Variants in EMSY observed in about 807,000 individuals in gnomAD.
EMSY encodes EMSY transcriptional repressor, BRCA2 interacting.
Under a neutral mutation model 134.6 loss-of-function variants are expected in EMSY, and 26 were observed. The ratio of observed to expected loss-of-function variants is 0.19; its 90% CI spans 0.14 to 0.27. EMSY has a LOEUF of 0.27. EMSY is among the 10% of genes least tolerant of loss of function. The pLI, the probability that EMSY is intolerant of heterozygous loss-of-function variation, is 1.00. For missense variants in EMSY, 1,305 were observed against 1,611.4 expected (o/e 0.81, Z 3.26); for synonymous variants, 579 against 577.8 (o/e 1.00, Z -0.03).
At chr11:76,488,452 A>G (rs1439828955) in intron 8 of EMSY, among the ~76,000 whole-genome samples, 1 of 152,218 alleles carries the variant, frequency 6.6e-6, no homozygotes, top group African/African-American at 2.4e-5. Context: ...GGGCATTAAA[A>G]GAAGACTGTC....
At chr11:76,531,685 G>T (rs189634952) in intron 14 of EMSY, among the ~76,000 whole-genome samples, 1 of 152,254 alleles carries the variant, frequency 6.6e-6, no homozygotes, top group African/African-American at 2.4e-5. Flanking sequence ...GAAGGTACAT[G>T]ATATAAATAT....
rs918020553 is a variant in EMSY, at chr11:76,539,580, C to G, written c.2516-19C>G. The stretch of plus-strand genomic sequence containing the variant: ...ACAGATGAAAAGACTATGATTTCTT[C>G]CCTTACTTATCCTTTCAGAACGCAC... On this transcript the variant is annotated intron_variant, in intron 16 of 20. Transcript: ENST00000334736. 5 of 1,612,948 alleles carry G rather than the reference C, an allele frequency of 3.1e-6. No individual in the cohort carries two copies. Among genetic ancestry groups the G allele is most frequent in the Non-Finnish European group, 4.2e-6 (5 of 1,179,098 alleles).
exon 18 of EMSY, chr11:76,542,323 A>G (rs1951468753): frequency 6.2e-7 from 1 of 1,614,038 alleles, no homozygotes; most frequent in Non-Finnish European, 8.5e-7. Context: ...GGTGAAGTCC[A>G]TCCCAGCATC....
rs1024962885 is a variant in EMSY, at chr11:76,453,586, C to T, written c.245+198C>T. 3 of 420,812 alleles carry T rather than the reference C, an allele frequency of 7.1e-6. No homozygotes were observed. The South Asian group carries it at 1.2e-4, about 17-fold the overall frequency. The allele number at this position is 420,812 out of a possible 1,614,324, so 26.1% of individuals were successfully genotyped here. A position where few individuals can be genotyped will look rare whatever the true frequency, so the allele number is the denominator to read the frequency against. Reference sequence around the variant, plus strand: ...TTTTTTTTGCATTTGGTTAGGCAAGCTTTAAGTACTCAGGTCAAATCCTGT... The same window carrying T: ...TTTTTTTTGCATTTGGTTAGGCAAGTTTTAAGTACTCAGGTCAAATCCTGT... On this transcript the variant is annotated intron_variant, in intron 4 of 20. Coordinates refer to ENST00000334736, the Ensembl canonical transcript of EMSY.
At chr11:76,503,107 A>C (rs982388267) in intron 9 of EMSY, among the ~76,000 whole-genome samples, 1 of 151,906 alleles carries the variant, frequency 6.6e-6, no homozygotes, top group East Asian at 1.9e-4. Context: ...TCGACATCAG[A>C]CTGGCCAACA....
intron 20 of EMSY, among the ~76,000 whole-genome samples, chr11:76,548,179 C>T (rs1011334177): frequency 6.6e-6 from 1 of 152,182 alleles, no homozygotes; most frequent in Non-Finnish European, 1.5e-5. Context: ...TATTATTATA[C>T]TCATCATTAA....
intron 7 of EMSY, among the ~76,000 whole-genome samples, chr11:76,464,484 A>T (rs1948270819): frequency 6.6e-6 from 1 of 152,256 alleles, no homozygotes; most frequent in Non-Finnish European, 1.5e-5. Context: ...GAAGGATATA[A>T]TTAAGTGAAT....
chr11:76,521,382 C>A (rs761384187), intron 11 of EMSY, among the ~76,000 whole-genome samples: 3 of 152,108 alleles, frequency 2.0e-5, no homozygotes, highest in Non-Finnish European at 4.4e-5. Context: ...TAATTGTCAT[C>A]CACTGTGCTA....
chr11:76,463,993 T>C (rs1357355090), exon 7 of EMSY: 3 of 1,614,072 alleles, frequency 1.9e-6, no homozygotes, highest in Admixed American at 1.7e-5. Flanking sequence ...TGCAGAGCAT[T>C]GCCAACTCCT....
intron 7 of EMSY, among the ~76,000 whole-genome samples, chr11:76,472,109 T>G (rs1210154855): frequency 6.6e-6 from 1 of 152,244 alleles, no homozygotes; most frequent in Non-Finnish European, 1.5e-5. Context: ...ACATTTCTGT[T>G]TATTTCTCTC....
chr11:76,540,733 T>C lies in EMSY; in HGVS notation c.2557+1093T>C, dbSNP rs572735484. ...CTTGAACACCCCACTATGACTTTTC[T>C]AAACAGGAAGTCAGTGCTATTTGAA... is the stretch of plus-strand genomic sequence containing the variant. On this transcript the variant is annotated intron_variant, in intron 17 of 20. Coordinates refer to ENST00000334736, the Ensembl canonical transcript of EMSY. Among the ~76,000 whole-genome samples, 5 of 152,248 alleles carry C rather than the reference T, an allele frequency of 3.3e-5. No homozygotes were observed. In the South Asian group the frequency reaches 1.0e-3, roughly 32 times the overall value.
At chr11:76,503,951 ATT>A (rs1264721522) in intron 9 of EMSY, among the ~76,000 whole-genome samples, 7 of 141,536 alleles carry the variant, frequency 4.9e-5, no homozygotes, top group Admixed American at 7.1e-5. Flanking sequence ...CGCCCGGCTA[ATT>A]TTTTTTTTTT....
At chr11:76,465,341 G>A (rs1037664416) in intron 7 of EMSY, among the ~76,000 whole-genome samples, 7 of 152,062 alleles carry the variant, frequency 4.6e-5, no homozygotes, top group Admixed American at 3.3e-4. Context: ...TACTAGCTGC[G>A]TGACTGTGGG....
At chr11:76,468,409 G>A (rs941228492) in intron 7 of EMSY, among the ~76,000 whole-genome samples, 1 of 152,184 alleles carries the variant, frequency 6.6e-6, no homozygotes, top group Non-Finnish European at 1.5e-5. Context: ...TGTTCCAGAT[G>A]TAAAACTGTA....
At chr11:76,447,733 A>G (rs1340874875) in intron 2 of EMSY, among the ~76,000 whole-genome samples, 1 of 152,186 alleles carries the variant, frequency 6.6e-6, no homozygotes, top group Non-Finnish European at 1.5e-5. Context: ...TCCTTGGGAA[A>G]ATTGAGAAAA....
intron 13 of EMSY, among the ~76,000 whole-genome samples, chr11:76,527,738 T>C (rs1950894082): frequency 1.3e-5 from 2 of 151,908 alleles, no homozygotes. Flanking sequence ...TTTTACTTTT[T>C]GCAGGTGTGT....
chr11:76,454,818 G>T, intron 4 of EMSY, 28 bp downstream of exon 5: 1 of 1,404,718 alleles, frequency 7.1e-7, no homozygotes, highest in Non-Finnish European at 9.5e-7. Flanking sequence ...TATTATTTCA[G>T]GCTTTTTCTT....
At chr11:76,448,212 G>T (rs915456265) in intron 2 of EMSY, among the ~76,000 whole-genome samples, 2 of 152,168 alleles carry the variant, frequency 1.3e-5, no homozygotes, top group Admixed American at 1.3e-4. Flanking sequence ...CTCTGGCCCT[G>T]CCTGTCCTTT....
At chr11:76,545,242 A>G (rs1251133277) in intron 19 of EMSY, among the ~76,000 whole-genome samples, 1 of 152,170 alleles carries the variant, frequency 6.6e-6, no homozygotes, top group Non-Finnish European at 1.5e-5. Context: ...TGTAGTTTAT[A>G]TCATAGCCAT....
Sources: allele counts gnomAD v4.1 joint callset (sites outside exome capture counted in the v4.1 genomes callset), GRCh38; gene constraint gnomAD v4.1.1; transcripts MANE v1.5; gene names NCBI Gene and HGNC (gene_info 2026-07-23, HGNC 2026-07-21).